The following TET1 variants were observed in gnomAD, a reference collection of about 807,000 sequenced individuals.
TET1 encodes the protein methylcytosine dioxygenase TET1.
Under a neutral mutation model 148.7 loss-of-function variants are expected in TET1, and 13 were observed. The ratio of observed to expected loss-of-function variants is 0.09; its 90% CI spans 0.06 to 0.14. TET1 has a LOEUF of 0.14. Ranked by LOEUF, TET1 falls within the 10% of genes least tolerant of loss-of-function variation. The pLI is 1.00. For synonymous variants in TET1, 907 were observed against 937.2 expected, an observed-to-expected ratio of 0.97 and a Z score of 0.59; for missense variants, 2,182 against 2,553.8, an observed-to-expected ratio of 0.85 and a Z score of 3.14.
In TET1 at chr10:68,686,732, C is replaced by T. The variant is rs372888798; in HGVS notation, c.5404+25C>T. Reference sequence around the variant, plus strand: ...GGTGAGCCCTATGGAACCTGGTAATCTCTGCACAACTTTGATGGATAGATG... The same window carrying T: ...GGTGAGCCCTATGGAACCTGGTAATTTCTGCACAACTTTGATGGATAGATG... On this transcript the variant is annotated intron_variant, in intron 11 of 11. Transcript: ENST00000373644. The T allele has an allele frequency of 7.0e-6, 11 of 1,582,326 alleles. No homozygotes were observed. The African/African-American group carries it at 1.5e-4, about 21-fold the overall frequency.
Position 68,691,129 on chromosome 10 carries a change from C to G in TET1, c.5726C>G (p.Pro1909Arg). The part of the protein sequence containing the change: ...PGISQLGEVA[P>R]LPTLSAPVME... ...ATTTCACAGCTTGGCGAAGTGGCTCCTCTCCCCACCCTGTCTGCTCCTGTG... is the reference window on the plus strand; with the variant it reads ...ATTTCACAGCTTGGCGAAGTGGCTCGTCTCCCCACCCTGTCTGCTCCTGTG... Residue 1909 changes from proline (P) to arginine (R), a missense_variant, in exon 12 of 12, where the codon CCT becomes CGT. Around this residue, in one of 11 missense-constraint regions of TET1, gnomAD observed 380 missense variants for 387.9 expected, o/e 0.98. Transcript: ENST00000373644. The surrounding 1 kb of genome is among the most constrained non-coding windows in gnomAD (Gnocchi z 4.4). 6.2e-7 allele frequency: 1 copy of G among 1,614,206 alleles called. No homozygotes were observed. The highest frequency in any genetic ancestry group is 8.5e-7 in the Non-Finnish European group (1 of 1,180,040).
chr10:68,634,661 G>A (rs558836163), intron 3 of TET1, among the ~76,000 whole-genome samples: 52 of 152,266 alleles, frequency 3.4e-4, no homozygotes, highest in African/African-American at 1.2e-3. Context: ...TTACTTAGTG[G>A]GAGATGCAAA....
At chr10:68,577,778 A>C (rs996031085) in intron 2 of TET1, among the ~76,000 whole-genome samples, 4 of 152,336 alleles carry the variant, frequency 2.6e-5, no homozygotes, top group African/African-American at 9.6e-5. Context: ...ATTGCACTCC[A>C]GCATGGGCGA....
chr10:68,658,043 C>T (rs564383678), intron 6 of TET1, among the ~76,000 whole-genome samples: 51 of 152,222 alleles, frequency 3.4e-4, no homozygotes, highest in South Asian at 6.2e-4. Flanking sequence ...TCCAAATTTA[C>T]TTTTCATCTT....
At chr10:68,612,818 A>G (rs1428993216) in intron 3 of TET1, among the ~76,000 whole-genome samples, 1 of 151,958 alleles carries the variant, frequency 6.6e-6, no homozygotes, top group Non-Finnish European at 1.5e-5. Context: ...GGTTTACAGC[A>G]TGTTGCCCAG....
chr10:68,607,936 CT>C (rs1054826809), intron 3 of TET1, among the ~76,000 whole-genome samples: 175 of 142,944 alleles, frequency 1.2e-3, no homozygotes, highest in Admixed American at 1.1e-3. Flanking sequence ...GTAACAGTGT[CT>C]TTTTTTTTTT....
At chr10:68,603,361 G>A (rs953048842) in intron 3 of TET1, among the ~76,000 whole-genome samples, 2 of 152,158 alleles carry the variant, frequency 1.3e-5, no homozygotes, top group African/African-American at 4.8e-5. Context: ...TCAAGAAGTT[G>A]GGTATAGAAT....
chr10:68,687,036 C>T (rs965595125), intron 11 of TET1, among the ~76,000 whole-genome samples: 4 of 151,876 alleles, frequency 2.6e-5, no homozygotes, highest in Non-Finnish European at 5.9e-5. Context: ...CACAGGCGCC[C>T]GCCACCACGC....
intron 2 of TET1, among the ~76,000 whole-genome samples, chr10:68,589,087 C>T (rs1398119856): frequency 1.3e-5 from 2 of 151,642 alleles, no homozygotes; most frequent in Non-Finnish European, 2.9e-5. Flanking sequence ...TGCACCACTG[C>T]ACAGCAACCT....
At position 68,686,521 on chromosome 10, in the gene TET1, C is replaced by A; in HGVS notation, c.5218C>A (p.Arg1740Ser). Reference sequence around the variant, plus strand: ...TGGGGCCATCGAGGTCCTGGCACCCCGCCGCAAAAAAAGAACGTGTTTCAC... The same window carrying A: ...TGGGGCCATCGAGGTCCTGGCACCCAGCCGCAAAAAAAGAACGTGTTTCAC... ...KSGAIEVLAP[R>S]RKKRTCFTQP... is the part of the protein sequence containing the mutation. The change falls in exon 11 of 12, where the codon CGC becomes AGC. Residue 1740 changes from arginine to serine, a missense_variant. Arg to Ser is a moderately radical substitution (Grantham distance 110). This residue lies in a region of TET1 where 380 missense variants were observed against 387.9 expected (regional missense o/e 0.98). Coordinates refer to ENST00000373644, the MANE Select transcript of TET1 (RefSeq NM_030625.3). 1 of 1,613,968 alleles carries A rather than the reference C, an allele frequency of 6.2e-7. No homozygotes were observed. Among genetic ancestry groups the A allele is most frequent in the Non-Finnish European group, 8.5e-7 (1 of 1,180,008 alleles).
At chr10:68,616,176 T>TTTAC (rs1188557062) in intron 3 of TET1, among the ~76,000 whole-genome samples, 1 of 152,222 alleles carries the variant, frequency 6.6e-6, no homozygotes. Context: ...CAGATAATAA[T>TTTAC]TTACTCATCA....
intron 6 of TET1, among the ~76,000 whole-genome samples, chr10:68,662,634 C>T (rs953472271): frequency 2.0e-5 from 3 of 151,976 alleles, no homozygotes; most frequent in Non-Finnish European, 4.4e-5. Flanking sequence ...GGGCGTGGGC[C>T]CTCACACCTG....
At chr10:68,571,629 A>T (rs1486479257) in intron 1 of TET1, among the ~76,000 whole-genome samples, 1 of 150,652 alleles carries the variant, frequency 6.6e-6, no homozygotes, top group Non-Finnish European at 1.5e-5. Context: ...CAAACTCCTG[A>T]CCTCATGATC....
At chr10:68,667,290 C>A in intron 7 of TET1, 34 bp downstream of exon 7, 1 of 1,547,778 alleles carries the variant, frequency 6.5e-7, no homozygotes, top group Non-Finnish European at 8.8e-7. Flanking sequence ...CCTTACCATT[C>A]AGATCTCTAT....
intron 3 of TET1, among the ~76,000 whole-genome samples, chr10:68,626,105 A>AAG (rs1564976244): frequency 9.2e-5 from 8 of 87,182 alleles, no homozygotes; most frequent in African/African-American, 1.9e-4. Flanking sequence ...AAAGAAAAAA[A>AAG]AAAAGAAAAG....
chr10:68,670,707 T>C (rs961200057), intron 7 of TET1, among the ~76,000 whole-genome samples: 7 of 152,342 alleles, frequency 4.6e-5, no homozygotes, highest in East Asian at 3.9e-4. Flanking sequence ...TTGGCAACTT[T>C]AATTTATTCT....
Position 68,691,906 on chromosome 10 carries a change from C to T in TET1, c.*92C>T. On this transcript the variant is annotated 3_prime_UTR_variant, in exon 12 of 12. Coordinates refer to ENST00000373644, the MANE Select transcript of TET1 (RefSeq NM_030625.3). This position sits in a 1 kb window ranked among gnomAD's most constrained non-coding sequence, Gnocchi z 4.4. Reference sequence around the variant, plus strand: ...AAGTCATGTTGTCGTTTACTATCTTCATCTCACCCATTTCAAGTCTGAGGT... The same window carrying T: ...AAGTCATGTTGTCGTTTACTATCTTTATCTCACCCATTTCAAGTCTGAGGT... The T allele has an allele frequency of 7.1e-7, 1 of 1,400,394 alleles. No homozygotes were observed. The highest frequency in any genetic ancestry group is 9.6e-7 in the Non-Finnish European group (1 of 1,040,074). 86.7% of individuals were successfully genotyped at this position (1,400,394 alleles called of 1,614,324 possible).
chr10:68,630,594 C>T (rs1251797192), intron 3 of TET1, among the ~76,000 whole-genome samples: 4 of 152,190 alleles, frequency 2.6e-5, no homozygotes, highest in African/African-American at 9.7e-5. Flanking sequence ...GGATTACAGG[C>T]ATCAGCCACT....
At chr10:68,569,166 C>CTTTTTTTTTTTTT (rs34385747) in intron 1 of TET1, among the ~76,000 whole-genome samples, 10 of 69,780 alleles carry the variant, frequency 1.4e-4, no homozygotes, top group Admixed American at 3.7e-4. Context: ...AGGAGAGTTT[C>CTTTTTTTTTTTTT]TTTTTTTTTT....
Sources: gnomAD v4.1 joint callset for allele counts (sites outside exome capture counted in the v4.1 genomes callset) on GRCh38, gnomAD v4.1.1 for gene constraint, gnomAD v4.1.1 regional missense constraint, Gnocchi (gnomAD v3.1) non-coding constraint, MANE v1.5 for transcripts, NCBI Gene and HGNC (gene_info 2026-07-23, HGNC 2026-07-21) for gene names.